The following PHKA1 variants were observed in gnomAD, a reference collection of about 807,000 sequenced individuals.
PHKA1 encodes the protein phosphorylase b kinase regulatory subunit alpha, skeletal muscle isoform.
Under a neutral mutation model 110.2 loss-of-function variants are expected in PHKA1, and 60 were observed. That is an observed-to-expected ratio of 0.54 (90% CI 0.44 to 0.68). PHKA1 has a LOEUF of 0.68. Ranked by LOEUF, PHKA1 falls within the 30% of genes least tolerant of loss-of-function variation. The pLI is 0.00. For synonymous variants in PHKA1, 316 were observed against 333.6 expected (o/e 0.95, Z 0.58); for missense variants, 801 against 942.5 (o/e 0.85, Z 1.97).
intron 5 of PHKA1, among the ~76,000 whole-genome samples, chrX:72,677,546 A>T (rs1180077308): frequency 1.8e-5 from 2 of 112,031 alleles, no homozygotes; most frequent in Admixed American, 9.5e-5. Flanking sequence ...CACTAGTTGC[A>T]ACTCTTCTCT....
chrX:72,680,645 C>CT (rs1305815057), intron 5 of PHKA1, among the ~76,000 whole-genome samples: 2 of 108,569 alleles, frequency 1.8e-5, no homozygotes, highest in East Asian at 6.0e-4. Context: ...TGGCGCGCTG[C>CT]GCTGCGGCCC....
intron 13 of PHKA1, among the ~76,000 whole-genome samples, chrX:72,649,215 C>T (rs782794604): frequency 1.6e-4 from 18 of 112,002 alleles, no homozygotes; most frequent in Admixed American, 1.0e-3. Context: ...AGAAAACACA[C>T]GAGATTATTT....
chrX:72,668,690 G>A (rs1246621813), intron 6 of PHKA1, among the ~76,000 whole-genome samples: 3 of 111,039 alleles, frequency 2.7e-5, no homozygotes, highest in Non-Finnish European at 5.7e-5. Context: ...AAGTTGGCCA[G>A]GCACAAAATA....
intron 16 of PHKA1, among the ~76,000 whole-genome samples, chrX:72,633,461 T>G (rs143767470): frequency 1.4e-3 from 161 of 111,916 alleles, no homozygotes; most frequent in South Asian, 3.8e-3. Flanking sequence ...TTGGACTTCC[T>G]AGCTCCCAGA....
At chrX:72,593,858 T>C in intron 28 of PHKA1, among the ~76,000 whole-genome samples, 1 of 112,328 alleles carries the variant, frequency 8.9e-6, no homozygotes, top group Non-Finnish European at 1.9e-5. Flanking sequence ...CTTAGCTGTC[T>C]CTTGACCTGA....
intron 25 of PHKA1, among the ~76,000 whole-genome samples, chrX:72,604,253 T>C (rs1274260612): frequency 9.0e-6 from 1 of 111,500 alleles, no homozygotes; most frequent in Non-Finnish European, 1.9e-5. Context: ...AATTCCACTA[T>C]TTACTAGCTA....
intron 21 of PHKA1, among the ~76,000 whole-genome samples, chrX:72,615,636 A>G (rs1556267906): frequency 2.8e-5 from 3 of 108,244 alleles, no homozygotes; most frequent in African/African-American, 6.8e-5. Flanking sequence ...AAATCAAAAC[A>G]TATTATGAAG....
At chrX:72,701,012 C>G (rs1161704492) in intron 3 of PHKA1, among the ~76,000 whole-genome samples, 1 of 112,426 alleles carries the variant, frequency 8.9e-6, no homozygotes, top group Non-Finnish European at 1.9e-5. Flanking sequence ...AGATTTGGAG[C>G]ATATTTATTT....
intron 13 of PHKA1, among the ~76,000 whole-genome samples, chrX:72,645,281 C>T (rs1237693378): frequency 8.9e-6 from 1 of 112,256 alleles, no homozygotes; most frequent in African/African-American, 3.3e-5. Flanking sequence ...CAAATGTGCC[C>T]TCTACTCCTG....
At chrX:72,699,787 T>G (rs782191402) in intron 3 of PHKA1, among the ~76,000 whole-genome samples, 1 of 111,279 alleles carries the variant, frequency 9.0e-6, no homozygotes, top group East Asian at 2.8e-4. Context: ...TCAGGCCCCA[T>G]GGAAGATGCC....
intron 8 of PHKA1, 24 bp downstream of exon 8, chrX:72,666,127 A>G (rs1158915660): frequency 8.3e-7 from 1 of 1,207,342 alleles, no homozygotes; most frequent in Admixed American, 2.2e-5. Context: ...GCCTTAAAGA[A>G]AACAAAGGTA....
chrX:72,663,202 A>G (rs2053579762), intron 8 of PHKA1, among the ~76,000 whole-genome samples: 1 of 111,037 alleles, frequency 9.0e-6, no homozygotes, highest in Admixed American at 9.6e-5. Context: ...TATTTAAAAA[A>G]CAAACTTTAA....
At position 72,623,183 on chromosome X, in the gene PHKA1, C is replaced by A; in HGVS notation, c.1886G>T (p.Ser629Ile). 8.3e-7 allele frequency: 1 copy of A among 1,209,653 alleles called. No individual in the cohort carries two copies. The highest frequency in any genetic ancestry group is 1.1e-6 in the Non-Finnish European group (1 of 893,805). Residue 629 changes from serine (S) to isoleucine (I), a missense_variant, in exon 18 of 32, where the codon AGT (serine) becomes ATT (isoleucine). This residue lies in a region of PHKA1 where 502 missense variants were observed against 519.2 expected (regional missense o/e 0.97). Transcript: ENST00000373542. ...MDPGPEGKLY[S>I]EDYDDNYDYL... is the part of the protein sequence containing the mutation. ...ATCATAGTTGTCATCATAATCTTCA[C>A]TGTACAGCTTACCCTCAGGTCCAGG...
intron 2 of PHKA1, among the ~76,000 whole-genome samples, chrX:72,708,491 T>C (rs2054322419): frequency 9.0e-6 from 1 of 111,369 alleles, no homozygotes; most frequent in Admixed American, 9.6e-5. Context: ...TGTTTCGACT[T>C]TACTTGTGGA....
intron 5 of PHKA1, among the ~76,000 whole-genome samples, chrX:72,680,760 G>A (rs1449971286): frequency 2.2e-5 from 2 of 92,814 alleles, no homozygotes; most frequent in African/African-American, 4.2e-5. Context: ...GCCGCCGCCC[G>A]ACCGCCGGGA....
At position 72,580,673 on chromosome X, in the gene PHKA1, AG is replaced by A. The variant is rs1437481302; in HGVS notation, c.*328del. ...AACACTTGCTCCCCAAACAGGAGTT[AG>A]AAAACTATATTGGTAACAGATCTAG... is the stretch of plus-strand genomic sequence containing the variant. On this transcript the variant is annotated 3_prime_UTR_variant, in exon 32 of 32. Coordinates refer to ENST00000373542, the MANE Select transcript of PHKA1 (RefSeq NM_002637.4). 1 of 284,722 alleles carries A rather than the reference AG, an allele frequency of 3.5e-6. No individual in the cohort carries two copies. The highest frequency in any genetic ancestry group is 6.1e-6 in the Non-Finnish European group (1 of 162,806). 23.5% of individuals were successfully genotyped at this position (284,722 alleles called of 1,213,427 possible). A position where few individuals can be genotyped will look rare whatever the true frequency, so the allele number is the denominator to read the frequency against.
In PHKA1 at chrX:72,712,762, A is replaced by C; in HGVS notation, c.237+17T>G. 8.3e-7 allele frequency: 1 copy of C among 1,204,113 alleles called. No individual in the cohort carries two copies. The highest frequency in any genetic ancestry group is 3.0e-5 in the East Asian group (1 of 33,787). ...CACACATAGCTCCAGATCTCTTTGT[A>C]TTTTTATTTTGAGTACCTGCTCCAA... On this transcript the variant is annotated intron_variant, in intron 2 of 31. Coordinates refer to ENST00000373542, the MANE Select transcript of PHKA1 (RefSeq NM_002637.4).
At position 72,580,965 on chromosome X, in the gene PHKA1, C is replaced by T. The variant is rs570573849; in HGVS notation, c.*37G>A. 1 of 1,171,111 alleles carries T rather than the reference C, an allele frequency of 8.5e-7. No homozygotes were observed. The highest frequency in any genetic ancestry group is 1.8e-5 in the South Asian group (1 of 55,236). On this transcript the variant is annotated 3_prime_UTR_variant, in exon 32 of 32. Coordinates refer to ENST00000373542, the MANE Select transcript of PHKA1 (RefSeq NM_002637.4). ...CACAATCAACCGAGGCAGGGACCAG[C>T]TGTCAAAAGGCTCCCAGAAGCCAGG... is the stretch of plus-strand genomic sequence containing the variant.
intron 6 of PHKA1, among the ~76,000 whole-genome samples, chrX:72,669,795 G>A (rs1263401463): frequency 2.7e-5 from 3 of 110,336 alleles, no homozygotes; most frequent in Non-Finnish European, 3.8e-5. Flanking sequence ...GGACATGTGG[G>A]TTGGTTCCAA....
Sources: gnomAD v4.1 joint callset for allele counts (sites outside exome capture counted in the v4.1 genomes callset) on GRCh38, gnomAD v4.1.1 for gene constraint, gnomAD v4.1.1 regional missense constraint, MANE v1.5 for transcripts, NCBI Gene and HGNC (gene_info 2026-07-23, HGNC 2026-07-21) for gene names.